ITCH: variants seen among roughly 807,000 people sequenced by gnomAD.
The protein encoded by ITCH is E3 ubiquitin-protein ligase Itchy homolog.
A neutral mutation model predicts 126.8 loss-of-function variants in ITCH; 28 were observed. The observed-to-expected ratio is 0.22, with a 90% CI of 0.16 to 0.30. ITCH has a LOEUF of 0.30. ITCH is among the 10% of genes least tolerant of loss of function. The pLI is 1.00. For synonymous variants in ITCH, 342 were observed against 340.0 expected (o/e 1.01, Z -0.06); for missense variants, 631 against 1,032.4 (o/e 0.61, Z 5.33).
intron 12 of ITCH, 24 bp from the exon 13 acceptor site, chr20:34,457,366 C>T: frequency 6.5e-7 from 1 of 1,543,470 alleles, no homozygotes; most frequent in South Asian, 1.1e-5. Flanking sequence ...GCTTTGCTTT[C>T]CCCTGCCCCT....
At chr20:34,380,505 A>G (rs2038016249) in intron 2 of ITCH, among the ~76,000 whole-genome samples, 1 of 148,008 alleles carries the variant, frequency 6.8e-6, no homozygotes, top group Admixed American at 6.8e-5. Flanking sequence ...CAGTTGTAAG[A>G]GTTTATTGTA....
intron 11 of ITCH, 73 bp from the exon 12 acceptor site, chr20:34,449,338 C>G (rs1984886415): frequency 1.1e-6 from 1 of 876,048 alleles, no homozygotes; most frequent in South Asian, 1.4e-5. Context: ...GAAGGGAAAT[C>G]AGAACTCATA....
At chr20:34,425,794 G>T (rs2146226296) in intron 7 of ITCH, among the ~76,000 whole-genome samples, 1 of 152,318 alleles carries the variant, frequency 6.6e-6, no homozygotes, top group South Asian at 2.1e-4. Flanking sequence ...CCCTCGCCAA[G>T]ATAGTAAAAA....
rs577918158 is a variant in ITCH at position 34,477,102 on chromosome 20, G to C, written c.1570-670G>C. 2.6e-5 allele frequency among the ~76,000 whole-genome samples: 4 copies of C among 152,228 alleles called. No individual in the cohort carries two copies. The South Asian group carries it at 8.3e-4, about 32-fold the overall frequency. On this transcript the variant is annotated intron_variant, in intron 16 of 24. Coordinates refer to ENST00000374864, the MANE Select transcript of ITCH (RefSeq NM_031483.7). Reference sequence around the variant, plus strand: ...TCTCGGTTAGCCAGTTAGCTGTTACGTGTACCTTTGGCTATGAGTCAAAAC... The same window carrying C: ...TCTCGGTTAGCCAGTTAGCTGTTACCTGTACCTTTGGCTATGAGTCAAAAC...
At position 34,481,081 on chromosome 20, in the gene ITCH, G is replaced by A. The variant is rs781120998; in HGVS notation, c.1968G>A (p.Glu656=). 1.2e-6 allele frequency: 2 copies of A among 1,613,478 alleles called. No homozygotes were observed. The highest frequency in any genetic ancestry group is 2.2e-5 in the South Asian group (2 of 91,074). Residue 656 remains glutamate, a synonymous_variant, in exon 20 of 25, where the codon GAG becomes GAA. Transcript: ENST00000374864. ...SLIWVKENNI[E]ECDLEMYFSV... is the part of the protein sequence containing the mutation. Reference sequence around the variant, plus strand: ...ATTTGTGCAGGGAAAACAATATTGAGGAATGTGATTTGGAAATGTACTTCT... The same window carrying A: ...ATTTGTGCAGGGAAAACAATATTGAAGAATGTGATTTGGAAATGTACTTCT...
Position 34,492,604 on chromosome 20 carries a change from A to G in ITCH, c.2416+7A>G. Reference sequence around the variant, plus strand: ...GGATTTGCTGATCTCATGGGTATGTATACAGGATCACTTTTCCTATACAGA... The same window carrying G: ...GGATTTGCTGATCTCATGGGTATGTGTACAGGATCACTTTTCCTATACAGA... On this transcript the variant is annotated splice_region_variant and intron_variant, in intron 23 of 24. Transcript: ENST00000374864. 6.4e-7 allele frequency: 1 copy of G among 1,565,338 alleles called. No individual in the cohort carries two copies.
At chr20:34,468,831 T>C (rs1314227427) in intron 14 of ITCH, among the ~76,000 whole-genome samples, 1 of 151,438 alleles carries the variant, frequency 6.6e-6, no homozygotes, top group Non-Finnish European at 1.5e-5. Flanking sequence ...ATAAGATGTA[T>C]AAATTGGAAA....
chr20:34,439,547 G>A (rs1983462385), intron 8 of ITCH, among the ~76,000 whole-genome samples: 1 of 152,228 alleles, frequency 6.6e-6, no homozygotes, highest in African/African-American at 2.4e-5. Context: ...AAGTGTGGGA[G>A]TTACGGGCGT....
chr20:34,438,400 CTGT>C lies in ITCH; in HGVS notation c.522-72_522-70del. ...AAACTTAGAAGTTTTCATCCTCCTG[CTGT>C]TTTTTTTCTTAAATTCAAGGAGTAT... On this transcript the variant is annotated intron_variant, in intron 7 of 24. Transcript: ENST00000374864. 4 of 1,495,690 alleles carry C rather than the reference CTGT, an allele frequency of 2.7e-6. No individual in the cohort carries two copies. In the South Asian group the frequency reaches 4.6e-5, roughly 17 times the overall value. The allele number at this position is 1,495,690 out of a possible 1,614,324, so 92.7% of individuals were successfully genotyped here. A position where few individuals can be genotyped will look rare whatever the true frequency, so the allele number is the denominator to read the frequency against.
At chr20:34,430,991 C>A (rs567712977) in intron 7 of ITCH, among the ~76,000 whole-genome samples, 1 of 152,210 alleles carries the variant, frequency 6.6e-6, no homozygotes, top group East Asian at 1.9e-4. Context: ...ATCAACAGGA[C>A]TTAGATACTG....
At chr20:34,481,849 A>G (rs1988778066) in intron 20 of ITCH, among the ~76,000 whole-genome samples, 1 of 152,118 alleles carries the variant, frequency 6.6e-6, no homozygotes, top group African/African-American at 2.4e-5. Context: ...CATCTCTACT[A>G]AAAATACAAA....
chr20:34,457,407 A>T lies in ITCH; in HGVS notation c.1228A>T (p.Asn410Tyr), dbSNP rs1568963705. ...TCCCAAAGAGAAGAGAACAGACAGC[A>T]ATGGCAGAGTATATTTCGTCAACCA... is the stretch of plus-strand genomic sequence containing the variant. ...PPGWEKRTDS[N>Y]GRVYFVNHNT... Residue 410 changes from asparagine (N) to tyrosine (Y), a missense_variant, in exon 13 of 25, where the codon AAT (asparagine) becomes TAT (tyrosine). Transcript: ENST00000374864. 6.2e-7 allele frequency: 1 copy of T among 1,613,672 alleles called. No individual in the cohort carries two copies. Among genetic ancestry groups the T allele is most frequent in the East Asian group, 2.2e-5 (1 of 44,866 alleles).
chr20:34,427,742 C>T (rs1227569173), intron 7 of ITCH, among the ~76,000 whole-genome samples: 1 of 152,074 alleles, frequency 6.6e-6, no homozygotes, highest in African/African-American at 2.4e-5. Context: ...CCTGAAAGTT[C>T]CCGCATAAAA....
In ITCH at chr20:34,489,361, A is replaced by G. The variant is rs1479186036; in HGVS notation, c.2189A>G (p.Gln730Arg). The G allele has an allele frequency of 6.2e-7, 1 of 1,613,574 alleles. No homozygotes were observed. The change falls in exon 21 of 25, where the codon CAA becomes CGA. Residue 730 changes from glutamine to arginine, a missense_variant. Physicochemically the swap from Gln to Arg is conservative, Grantham distance 43 (BLOSUM62 1). This residue lies in a region of ITCH where 390 missense variants were observed against 731.6 expected (regional missense o/e 0.53). Transcript: ENST00000374864. ...GAAATTCTTCCCCAGCAATATTTGC[A>G]ATACTTTGATGCAAAGGAATTAGAG... ...FNEILPQQYL[Q>R]YFDAKELEVL...
chr20:34,382,491 C>G (rs754185425), intron 2 of ITCH, among the ~76,000 whole-genome samples: 119 of 152,166 alleles, frequency 7.8e-4, no homozygotes, highest in Admixed American at 1.8e-3. Flanking sequence ...ACTGCAACCT[C>G]TGCCTCCTGG....
intron 2 of ITCH, among the ~76,000 whole-genome samples, chr20:34,385,227 T>TTG (rs2038238973): frequency 6.9e-6 from 1 of 145,506 alleles, no homozygotes; most frequent in Non-Finnish European, 1.5e-5. Flanking sequence ...GTGTGGTTTT[T>TTG]TTTTTTTTTT....
In ITCH at chr20:34,506,741, CTTT is replaced by C. The variant is rs533661316; in HGVS notation, c.2490-953_2490-951del. On this transcript the variant is annotated intron_variant, in intron 24 of 24. Coordinates refer to ENST00000374864, the MANE Select transcript of ITCH (RefSeq NM_031483.7). ...TTAAACAATGACTCCCCATGACTCC[CTTT>C]CCCCAGGTCCTGGCAAACATCATTC... is the stretch of plus-strand genomic sequence containing the variant. 2.6e-5 allele frequency among the ~76,000 whole-genome samples: 4 copies of C among 152,198 alleles called. No homozygotes were observed. In the South Asian group the frequency reaches 6.2e-4, roughly 24 times the overall value.
intron 4 of ITCH, among the ~76,000 whole-genome samples, chr20:34,410,378 A>AAG (rs200762262): frequency 1.9e-5 from 2 of 103,406 alleles, no homozygotes; most frequent in Admixed American, 1.1e-4. Context: ...TGTCTCAAAA[A>AAG]AGAGAGAAAA....
chr20:34,504,160 C>T (rs1238215293), intron 23 of ITCH, among the ~76,000 whole-genome samples, 171 bp from the exon 24 acceptor site: 1 of 152,078 alleles, frequency 6.6e-6, no homozygotes, highest in Non-Finnish European at 1.5e-5. Context: ...GGATAACAGA[C>T]ATGAGCCACC....
Sources: gnomAD v4.1 joint callset for allele counts (sites outside exome capture counted in the v4.1 genomes callset) on GRCh38, gnomAD v4.1.1 for gene constraint, gnomAD v4.1.1 regional missense constraint, MANE v1.5 for transcripts, NCBI Gene and HGNC (gene_info 2026-07-23, HGNC 2026-07-21) for gene names.